Variants in KIF26B observed in about 807,000 individuals in gnomAD.
KIF26B encodes kinesin family member 26B, also known as kinesin-like protein KIF26B.
KIF26B carries 63 observed loss-of-function variants against 151.2 expected under a neutral mutation model. The ratio of observed to expected loss-of-function variants is 0.42; its 90% CI spans 0.34 to 0.51. The LOEUF (loss-of-function observed/expected upper bound fraction) is 0.51. Ranked by LOEUF, KIF26B falls within the 20% of genes least tolerant of loss-of-function variation. KIF26B has a pLI of 0.07. For synonymous variants in KIF26B, 1,357 were observed against 1,262.1 expected (o/e 1.08, Z -1.59); for missense variants, 2,813 against 2,913.6 (o/e 0.97, Z 0.79).
At chr1:245,668,015 C>A (rs2044236170) in intron 10 of KIF26B, among the ~76,000 whole-genome samples, 1 of 152,202 alleles carries the variant, frequency 6.6e-6, no homozygotes, top group Non-Finnish European at 1.5e-5. Flanking sequence ...CCTGCCTCAG[C>A]CTCCCAGGTA....
At chr1:245,164,801 G>A (rs1453547255) in intron 2 of KIF26B, among the ~76,000 whole-genome samples, 1 of 152,106 alleles carries the variant, frequency 6.6e-6, no homozygotes, top group Non-Finnish European at 1.5e-5. Flanking sequence ...GGCCAGGCAC[G>A]GTGGCTCACG....
At chr1:245,503,288 C>T (rs1003761364) in intron 4 of KIF26B, among the ~76,000 whole-genome samples, 1 of 152,118 alleles carries the variant, frequency 6.6e-6, no homozygotes, top group Non-Finnish European at 1.5e-5. Context: ...TATGGATTTT[C>T]ATATTTCATG....
chr1:245,323,479 T>C lies in KIF26B; in HGVS notation c.466-43355T>C, dbSNP rs371005206. ...ACAAGTTTGGAAAAACTGCAAGAAA[T>C]TCATTGAACAAAATTAAGAAGATCA... is the stretch of plus-strand genomic sequence containing the variant. On this transcript the variant is annotated intron_variant, in intron 2 of 14. Transcript: ENST00000407071. Among the ~76,000 whole-genome samples, 7 of 152,316 alleles carry C rather than the reference T, an allele frequency of 4.6e-5. No homozygotes were observed. The East Asian group carries it at 1.2e-3, about 25-fold the overall frequency.
chr1:245,665,176 T>TC (rs2044199500), intron 10 of KIF26B, among the ~76,000 whole-genome samples: 1 of 152,218 alleles, frequency 6.6e-6, no homozygotes, highest in East Asian at 1.9e-4. Flanking sequence ...TATTTCAGGG[T>TC]CCCCTGTTTG....
chr1:245,268,297 AT>A (rs1422914513), intron 2 of KIF26B, among the ~76,000 whole-genome samples: 1 of 151,656 alleles, frequency 6.6e-6, no homozygotes, highest in Admixed American at 6.6e-5. Context: ...GTGAAACCCC[AT>A]CTCTACTAAA....
intron 4 of KIF26B, among the ~76,000 whole-genome samples, chr1:245,532,327 G>C (rs1661386985): frequency 6.9e-6 from 1 of 145,170 alleles, no homozygotes; most frequent in South Asian, 2.2e-4. Flanking sequence ...CTCACTGCAA[G>C]CTCTGCCTCC....
At chr1:245,431,016 T>C (rs1002424807) in intron 4 of KIF26B, among the ~76,000 whole-genome samples, 3 of 152,248 alleles carry the variant, frequency 2.0e-5, no homozygotes, top group Non-Finnish European at 4.4e-5. Context: ...AATAACTCAA[T>C]GATGGTCTTA....
At chr1:245,592,620 A>G (rs1250166293) in intron 5 of KIF26B, among the ~76,000 whole-genome samples, 1 of 152,112 alleles carries the variant, frequency 6.6e-6, no homozygotes. Flanking sequence ...CGCTGCCCCA[A>G]AGTAGGCCTG....
chr1:245,378,833 C>A (rs1206346859), intron 3 of KIF26B, among the ~76,000 whole-genome samples: 6 of 152,146 alleles, frequency 3.9e-5, no homozygotes, highest in African/African-American at 1.4e-4. Flanking sequence ...ACTGTGTGAC[C>A]TCAAGCGGGC....
At chr1:245,435,053 C>CTCCATCCATCCA (rs60351520) in intron 4 of KIF26B, among the ~76,000 whole-genome samples, 5 of 132,546 alleles carry the variant, frequency 3.8e-5, no homozygotes, top group African/African-American at 1.4e-4. Flanking sequence ...CCATCCATCT[C>CTCCATCCATCCA]TCCATCCATC....
At chr1:245,520,006 A>G (rs1388818271) in intron 4 of KIF26B, among the ~76,000 whole-genome samples, 1 of 152,220 alleles carries the variant, frequency 6.6e-6, no homozygotes, top group African/African-American at 2.4e-5. Context: ...GTTCAAGTAC[A>G]AGAATATCAT....
At chr1:245,176,457 G>A (rs1176845610) in intron 2 of KIF26B, among the ~76,000 whole-genome samples, 1 of 152,176 alleles carries the variant, frequency 6.6e-6, no homozygotes, top group East Asian at 1.9e-4. Context: ...TCTATCATGG[G>A]ATTTAGTTCC....
intron 4 of KIF26B, among the ~76,000 whole-genome samples, chr1:245,476,468 T>G (rs7526361): frequency 0.65 from 98,087 of 151,340 alleles, 32,532 homozygotes; most frequent in East Asian, 0.71. Context: ...ATATTGTTTT[T>G]GGCTTTTAAG....
Position 245,558,246 on chromosome 1 carries a change from G to A in KIF26B, c.1350+17296G>A, listed in dbSNP as rs370614135. 3.7e-4 allele frequency among the ~76,000 whole-genome samples: 57 copies of A among 152,258 alleles called. 1 individual carries two copies. The highest frequency in any genetic ancestry group is 1.3e-3 in the African/African-American group (56 of 41,536). The stretch of plus-strand genomic sequence containing the variant: ...GCTCCCCCATTCCTTGCTCTCCATT[G>A]CCCTTAGTCCAAAGTCCAAATTCCC... On this transcript the variant is annotated intron_variant, in intron 5 of 14. Coordinates refer to ENST00000407071, the MANE Select transcript of KIF26B (RefSeq NM_018012.4).
chr1:245,541,447 G>A (rs578256872), intron 5 of KIF26B, among the ~76,000 whole-genome samples: 3 of 152,188 alleles, frequency 2.0e-5, no homozygotes, highest in East Asian at 1.9e-4. Context: ...GTGCGATTTC[G>A]AATTGTTACA....
At chr1:245,160,726 C>G (rs144799948) in intron 2 of KIF26B, among the ~76,000 whole-genome samples, 1 of 151,736 alleles carries the variant, frequency 6.6e-6, no homozygotes, top group Non-Finnish European at 1.5e-5. Context: ...TCCATTTATG[C>G]CCCAGAAATA....
At chr1:245,387,554 A>T (rs974834811) in intron 3 of KIF26B, among the ~76,000 whole-genome samples, 2 of 152,012 alleles carry the variant, frequency 1.3e-5, no homozygotes, top group African/African-American at 4.8e-5. Context: ...TTAGCCAGGC[A>T]TGGTGGCACA....
chr1:245,507,934 A>G (rs1358177607), intron 4 of KIF26B, among the ~76,000 whole-genome samples: 2 of 152,166 alleles, frequency 1.3e-5, no homozygotes, highest in African/African-American at 4.8e-5. Flanking sequence ...AAGTTTAGTG[A>G]CCATTTTCAT....
At chr1:245,519,920 T>C (rs1661052900) in intron 4 of KIF26B, among the ~76,000 whole-genome samples, 1 of 152,232 alleles carries the variant, frequency 6.6e-6, no homozygotes, top group African/African-American at 2.4e-5. Context: ...GTTTTTATTT[T>C]GAAGAAATGC....
Sources: allele counts gnomAD v4.1 joint callset (sites outside exome capture counted in the v4.1 genomes callset), GRCh38; gene constraint gnomAD v4.1.1; transcripts MANE v1.5; gene names NCBI Gene and HGNC (gene_info 2026-07-23, HGNC 2026-07-21).